Variants in STIL observed in about 807,000 individuals in gnomAD.
STIL encodes the protein SCL-interrupting locus protein.
Under a neutral mutation model 110.1 loss-of-function variants are expected in STIL, and 55 were observed. That is an observed-to-expected ratio of 0.50 (90% CI 0.40 to 0.63). STIL has a LOEUF of 0.63. STIL is among the 20% of genes least tolerant of loss of function. The pLI is 0.00. For missense variants in STIL, 1,358 were observed against 1,530.0 expected (o/e 0.89, Z 1.87); for synonymous variants, 481 against 530.0 (o/e 0.91, Z 1.27).
intron 7 of STIL, among the ~76,000 whole-genome samples, chr1:47,294,094 T>C (rs987992295): frequency 3.3e-5 from 5 of 152,216 alleles, no homozygotes. Context: ...AGAACATTCA[T>C]GCATTCTCAT....
intron 12 of STIL, among the ~76,000 whole-genome samples, chr1:47,272,479 TCTGTCACCCAGG>T (rs781353541): frequency 2.6e-5 from 4 of 151,640 alleles, no homozygotes; most frequent in Non-Finnish European, 4.4e-5. Context: ...AAGGTCTTGC[TCTGTCACCCAGG>T]CTGTCACCCA....
rs1368053885 is a variant in STIL, at chr1:47,305,094, T to C, written c.45-98A>G. 3 of 820,716 alleles carry C rather than the reference T, an allele frequency of 3.7e-6. No homozygotes were observed. In the Admixed American group the frequency reaches 6.3e-5, roughly 17 times the overall value. The allele number at this position is 820,716 out of a possible 1,614,324, so 50.8% of individuals were successfully genotyped here. On this transcript the variant is annotated intron_variant, in intron 2 of 16. Coordinates refer to ENST00000371877, the MANE Select transcript of STIL (RefSeq NM_001048166.1). ...AACTATCTTTAAGGTGATGGTATTT[T>C]CAGACTACTTTTGTAATTTTCAAAG...
At chr1:47,308,286 TTC>T (rs1646023161) in intron 2 of STIL, among the ~76,000 whole-genome samples, 1 of 151,902 alleles carries the variant, frequency 6.6e-6, no homozygotes, top group Non-Finnish European at 1.5e-5. Context: ...GCTTTAAAAT[TTC>T]TCTCTTTTGT....
rs1645120868 is a variant in STIL, at chr1:47,280,366, G to A, written c.2092C>T (p.Gln698Ter). 2.5e-6 allele frequency: 4 copies of A among 1,614,144 alleles called. No homozygotes were observed. The highest frequency in any genetic ancestry group is 2.5e-6 in the Non-Finnish European group (3 of 1,180,054). ...PPSHMDLCNPQPCTVCMHTPK... is the reference protein window; with the variant it reads ...PPSHMDLCNP ...GTGTGCATGCACACTGTGCAAGGCT[G>A]TGGGTTACATAAGTCCATATGTGAA... The change falls in exon 12 of 17, where the codon CAG becomes TAG. Residue 698 changes from glutamine (Q) to a stop codon, truncating the protein, a stop_gained. Coordinates refer to ENST00000371877, the MANE Select transcript of STIL (RefSeq NM_001048166.1). LOFTEE classifies it high-confidence loss of function.
rs751718174 is a variant in STIL, at chr1:47,304,931, G to A, written c.110C>T (p.Thr37Met). ...TAAGTAGATGAAATCTCCAGTTGGC[G>A]TTGGGTTCCAAAGTGCACATTTTGA... Reference protein sequence around the residue: ...PPSKCALWNPTPTGDFIYLHL... With the variant: ...PPSKCALWNPMPTGDFIYLHL... Residue 37 changes from threonine to methionine, a missense_variant, in exon 3 of 17, where the codon ACG becomes ATG. Thr to Met is a moderately conservative substitution (Grantham distance 81). Coordinates refer to ENST00000371877, the MANE Select transcript of STIL (RefSeq NM_001048166.1). 23 of 1,613,870 alleles carry A rather than the reference G, an allele frequency of 1.4e-5. No homozygotes were observed. The highest frequency in any genetic ancestry group is 2.2e-5 in the East Asian group (1 of 44,874).
chr1:47,309,975 G>A (rs17103095), intron 2 of STIL, among the ~76,000 whole-genome samples: 3 of 151,980 alleles, frequency 2.0e-5, no homozygotes, highest in African/African-American at 7.3e-5. Context: ...AATTGAAGGA[G>A]GGACGGAACT....
intron 7 of STIL, among the ~76,000 whole-genome samples, chr1:47,294,166 A>C (rs1043547594): frequency 1.3e-5 from 2 of 152,172 alleles, no homozygotes; most frequent in South Asian, 4.1e-4. Flanking sequence ...CCCTTCTACT[A>C]TCTAAACAAT....
intron 16 of STIL, among the ~76,000 whole-genome samples, chr1:47,253,760 C>T (rs1033211240): frequency 5.3e-5 from 8 of 152,118 alleles, no homozygotes; most frequent in African/African-American, 1.9e-4. Flanking sequence ...TGAAGAAATT[C>T]AGCTGTTTTA....
chr1:47,279,486 A>T (rs1429700129), intron 12 of STIL, among the ~76,000 whole-genome samples: 3 of 152,020 alleles, frequency 2.0e-5, no homozygotes, highest in African/African-American at 7.2e-5. Context: ...CTTACACACT[A>T]AACACTGCGC....
At chr1:47,295,879 T>C (rs745340809) in intron 6 of STIL, 31 bp from the exon 7 acceptor site, 1 of 1,487,288 alleles carries the variant, frequency 6.7e-7, no homozygotes, top group South Asian at 1.1e-5. Flanking sequence ...TGAAAATAAC[T>C]GAAATTATGT....
At chr1:47,308,022 T>A (rs1009177396) in intron 2 of STIL, among the ~76,000 whole-genome samples, 3 of 152,222 alleles carry the variant, frequency 2.0e-5, no homozygotes, top group African/African-American at 7.2e-5. Context: ...TGATAAGATG[T>A]TATCAATGAC....
At chr1:47,277,714 T>C (rs1443306080) in intron 12 of STIL, among the ~76,000 whole-genome samples, 1 of 152,024 alleles carries the variant, frequency 6.6e-6, no homozygotes, top group Non-Finnish European at 1.5e-5. Flanking sequence ...ATAATAATAG[T>C]GAAATAATAG....
At chr1:47,252,778 T>TACAC (rs3043070) in intron 16 of STIL, among the ~76,000 whole-genome samples, 19,519 of 139,962 alleles carry the variant, frequency 0.14, 1,405 homozygotes, top group Non-Finnish European at 0.17. Flanking sequence ...TATGGGCTTA[T>TACAC]ACACACACAC....
intron 10 of STIL, among the ~76,000 whole-genome samples, chr1:47,284,834 G>A (rs1570175629): frequency 6.6e-6 from 1 of 151,716 alleles, no homozygotes; most frequent in Non-Finnish European, 1.5e-5. Context: ...AGGTTGCAGT[G>A]AGCTGAGATC....
chr1:47,262,819 A>C (rs1049472351), intron 15 of STIL, 84 bp downstream of exon 15: 2 of 1,237,466 alleles, frequency 1.6e-6, no homozygotes, highest in Non-Finnish European at 2.4e-6. Context: ...GGTCTCAATC[A>C]GTTTAAACCT....
At position 47,273,025 on chromosome 1, in the gene STIL, T is replaced by C. The variant is rs186299262; in HGVS notation, c.2218-784A>G. On this transcript the variant is annotated intron_variant, in intron 12 of 16. Coordinates refer to ENST00000371877, the MANE Select transcript of STIL (RefSeq NM_001048166.1). ...TGCAAGACCCTATTACTATAGGCTT[T>C]TATGTATAATTTTTACAGCAATCCT... Among the ~76,000 whole-genome samples, 80 of 152,314 alleles carry C rather than the reference T, an allele frequency of 5.3e-4. 2 individuals are homozygous for C. The East Asian group carries it at 0.013, about 25-fold the overall frequency.
At chr1:47,307,862 GC>G (rs1009146082) in intron 2 of STIL, among the ~76,000 whole-genome samples, 10 of 152,092 alleles carry the variant, frequency 6.6e-5, no homozygotes, top group African/African-American at 2.2e-4. Flanking sequence ...CTCTGAACTG[GC>G]CCCCCCGGGG....
intron 13 of STIL, among the ~76,000 whole-genome samples, chr1:47,271,831 A>C (rs1644850055): frequency 6.6e-6 from 1 of 151,938 alleles, no homozygotes; most frequent in African/African-American, 2.4e-5. Context: ...AAAAAACAAA[A>C]AAAAAACCAG....
intron 6 of STIL, among the ~76,000 whole-genome samples, chr1:47,298,100 A>G (rs75049384): frequency 2.0e-5 from 3 of 152,200 alleles, no homozygotes; most frequent in South Asian, 4.1e-4. Context: ...GGCCACTCCA[A>G]TCAGAAAGCA....
Sources: gnomAD v4.1 joint callset for allele counts (sites outside exome capture counted in the v4.1 genomes callset) on GRCh38, gnomAD v4.1.1 for gene constraint, MANE v1.5 for transcripts, NCBI Gene and HGNC (gene_info 2026-07-23, HGNC 2026-07-21) for gene names.